Variants in AKR1E2 observed in about 807,000 individuals in gnomAD.
The protein encoded by AKR1E2 is aldo-keto reductase family 1 member E2, also known as 1,5-anhydro-D-fructose reductase.
A neutral mutation model predicts 41.9 loss-of-function variants in AKR1E2; 43 were observed. That is an observed-to-expected ratio of 1.03 (90% CI 0.80 to 1.32). The LOEUF (loss-of-function observed/expected upper bound fraction) is 1.32. Ranked by LOEUF, AKR1E2 falls within the 40% of genes most tolerant of loss-of-function variation. The pLI, the probability that AKR1E2 is intolerant of heterozygous loss-of-function variation, is 0.00. For synonymous variants in AKR1E2, 121 were observed against 138.9 expected (o/e 0.87, Z 0.91); for missense variants, 423 against 396.5 (o/e 1.07, Z -0.57).
the AKR1E2 span, among the ~76,000 whole-genome samples, chr10:4,862,153 A>G: frequency 1.3e-5 from 2 of 152,346 alleles, no homozygotes; most frequent in South Asian, 4.1e-4. Flanking sequence ...ACATATGGCT[A>G]GCCAGTTTTC....
rs1588432202 is a variant in AKR1E2, at chr10:4,829,160, C to G, written c.40-1515C>G. On this transcript the variant is annotated intron_variant, in intron 1 of 9. Coordinates refer to ENST00000298375, the MANE Select transcript of AKR1E2 (RefSeq NM_001040177.3). ...ATTTTTTAATATTGATACTCTTTAT[C>G]AGATTAATTCTTTTCCCCGACTTAC... 3.3e-5 allele frequency among the ~76,000 whole-genome samples: 5 copies of G among 152,284 alleles called. No individual in the cohort carries two copies. In the South Asian group the frequency reaches 8.3e-4, roughly 25 times the overall value.
intron 1 of AKR1E2, among the ~76,000 whole-genome samples, chr10:4,827,059 G>A (rs1832582464): frequency 1.4e-5 from 2 of 138,270 alleles, no homozygotes; most frequent in Admixed American, 7.9e-5. Flanking sequence ...CTTGGGGACA[G>A]AGCCAGACCT....
At chr10:4,845,374 G>C (rs1359237599) in intron 8 of AKR1E2, among the ~76,000 whole-genome samples, 4 of 152,024 alleles carry the variant, frequency 2.6e-5, no homozygotes, top group African/African-American at 4.8e-5. Flanking sequence ...ACAGTGCAAC[G>C]GTGGGCTGAA....
At chr10:4,846,024 G>A (rs1214189969) in intron 8 of AKR1E2, 23 of 380,104 alleles carry the variant, frequency 6.1e-5, no homozygotes, top group Non-Finnish European at 1.0e-4. Context: ...TGTGGCCCCA[G>A]TGCCGCTCAG....
the AKR1E2 span, among the ~76,000 whole-genome samples, chr10:4,862,693 A>G: frequency 9.2e-5 from 14 of 152,196 alleles, no homozygotes; most frequent in East Asian, 1.5e-3. Context: ...CTTTGAAGCA[A>G]TTGTGAATGG....
intron 8 of AKR1E2, 21 bp from the exon 9 acceptor site, chr10:4,847,123 TACAA>T: frequency 1.2e-6 from 2 of 1,613,860 alleles, no homozygotes; most frequent in Non-Finnish European, 8.5e-7. Flanking sequence ...CTAAGTTTTC[TACAA>T]ACATTGTGTT....
downstream of AKR1E2, among the ~76,000 whole-genome samples, chr10:4,850,985 A>G (rs1206045177): frequency 2.0e-5 from 3 of 152,150 alleles, no homozygotes; most frequent in Admixed American, 6.5e-5. Context: ...TTCAAGCTCA[A>G]CCCCAGCTCT....
upstream of AKR1E2, chr10:4,826,060 A>T: frequency 2.6e-6 from 1 of 389,664 alleles, no homozygotes; most frequent in Non-Finnish European, 4.5e-6. Flanking sequence ...GCTTCCAGCC[A>T]TTTGGGACTC....
At chr10:4,843,465 G>A (rs1834046272) in intron 8 of AKR1E2, among the ~76,000 whole-genome samples, 1 of 152,196 alleles carries the variant, frequency 6.6e-6, no homozygotes, top group South Asian at 2.1e-4. Context: ...GCATAGGTGT[G>A]TGTGATCCTG....
At chr10:4,855,387 C>T in the AKR1E2 span, among the ~76,000 whole-genome samples, 4 of 152,158 alleles carry the variant, frequency 2.6e-5, no homozygotes, top group East Asian at 3.9e-4. Context: ...CAGCTATACA[C>T]CTGCTGTTCA....
chr10:4,871,076 T>TCCC, the AKR1E2 span, among the ~76,000 whole-genome samples: 1 of 152,174 alleles, frequency 6.6e-6, no homozygotes, highest in African/African-American at 2.4e-5. Flanking sequence ...ATGCTATTGA[T>TCCC]TCCATTGATT....
At chr10:4,848,416 T>G (rs1353757771), downstream of AKR1E2, among the ~76,000 whole-genome samples, 1 of 152,246 alleles carries the variant, frequency 6.6e-6, no homozygotes, top group Non-Finnish European at 1.5e-5. Context: ...ATGGACTTCC[T>G]GTGGTCCAGA....
intron 1 of AKR1E2, among the ~76,000 whole-genome samples, chr10:4,829,411 A>G (rs1429544270): frequency 6.6e-6 from 1 of 152,176 alleles, no homozygotes; most frequent in African/African-American, 2.4e-5. Context: ...GAATTTTGCA[A>G]CGGTATTCAT....
At chr10:4,839,899 ATGAC>A in intron 6 of AKR1E2, 73 bp downstream of exon 6, 1 of 1,396,640 alleles carries the variant, frequency 7.2e-7, no homozygotes, top group Non-Finnish European at 1.0e-6. Context: ...TTTCCTTGGG[ATGAC>A]TGAGGGAGGG....
chr10:4,830,574 ATTTT>A, intron 1 of AKR1E2, 97 bp from the exon 2 acceptor site: 2 of 1,385,134 alleles, frequency 1.4e-6, no homozygotes, highest in Non-Finnish European at 2.0e-6. Flanking sequence ...TAGTGACTTA[ATTTT>A]TTATGTATTA....
the AKR1E2 span, among the ~76,000 whole-genome samples, chr10:4,865,454 A>T: frequency 6.6e-6 from 1 of 152,170 alleles, no homozygotes; most frequent in Non-Finnish European, 1.5e-5. Flanking sequence ...GTAAACATTG[A>T]AGCTAGCATT....
the AKR1E2 span, among the ~76,000 whole-genome samples, chr10:4,863,138 C>A: frequency 3.2e-4 from 48 of 152,290 alleles, no homozygotes; most frequent in Admixed American, 3.1e-3. Flanking sequence ...ACTCTCCACC[C>A]CAAATCAACA....
rs1834422088 is a variant in AKR1E2 at position 4,847,525 on chromosome 10, T to C, written c.958T>C (p.Tyr320His). 1 of 1,613,372 alleles carries C rather than the reference T, an allele frequency of 6.2e-7. No homozygotes were observed. The highest frequency in any genetic ancestry group is 1.1e-5 in the South Asian group (1 of 90,940). ...CAAAGACTATCCTTTCCACATAGAA[T>C]ACTGAGGACGCTTCCCCTTCCTTGT... ...NHKDYPFHIE[Y>H] is the part of the protein sequence containing the mutation. The change falls in exon 10 of 10, where the codon TAC becomes CAC. Residue 320 changes from tyrosine to histidine, a missense_variant. Physicochemically the swap from Tyr to His is moderately conservative, Grantham distance 83. Transcript: ENST00000298375.
At chr10:4,839,241 TC>T (rs1289043160) in intron 5 of AKR1E2, among the ~76,000 whole-genome samples, 1 of 152,214 alleles carries the variant, frequency 6.6e-6, no homozygotes, top group East Asian at 1.9e-4. Context: ...TTTTAGCACT[TC>T]CTACATGTCT....
Sources: allele counts gnomAD v4.1 joint callset (sites outside exome capture counted in the v4.1 genomes callset), GRCh38; gene constraint gnomAD v4.1.1; transcripts MANE v1.5; gene names NCBI Gene and HGNC (gene_info 2026-07-23, HGNC 2026-07-21).